Variants in FER1L6 observed in about 807,000 individuals in gnomAD.
The protein encoded by FER1L6 is fer-1-like protein 6.
FER1L6 carries 177 observed loss-of-function variants against 219.2 expected under a neutral mutation model. That is an observed-to-expected ratio of 0.81 (90% CI 0.71 to 0.91). The LOEUF is 0.91. Ranked by LOEUF, FER1L6 falls within the 40% of genes least tolerant of loss-of-function variation. The pLI is 0.00. For missense variants in FER1L6, 2,153 were observed against 2,259.9 expected (o/e 0.95, Z 0.96); for synonymous variants, 768 against 824.3 (o/e 0.93, Z 1.17).
chr8:123,865,410 T>C (rs1317826695), intron 1 of FER1L6, among the ~76,000 whole-genome samples: 1 of 150,694 alleles, frequency 6.6e-6, no homozygotes, highest in Non-Finnish European at 1.5e-5. Context: ...CATTTAAGTC[T>C]GCAGAGGTTA....
chr8:123,901,217 C>T (rs1812849942), intron 1 of FER1L6, among the ~76,000 whole-genome samples: 1 of 152,158 alleles, frequency 6.6e-6, no homozygotes, highest in South Asian at 2.1e-4. Flanking sequence ...TCTAATTCTT[C>T]CTGATTTAAG....
chr8:124,032,388 G>A (rs572402575), intron 18 of FER1L6, among the ~76,000 whole-genome samples: 1 of 152,108 alleles, frequency 6.6e-6, no homozygotes, highest in South Asian at 2.1e-4. Context: ...TTGCACCACT[G>A]CACTCTAGCT....
chr8:124,019,999 C>T (rs1818385020), intron 16 of FER1L6, among the ~76,000 whole-genome samples: 1 of 152,114 alleles, frequency 6.6e-6, no homozygotes, highest in Non-Finnish European at 1.5e-5. Flanking sequence ...TGTCCCCACC[C>T]AAATCTCATC....
chr8:123,989,997 G>A (rs1007859394), intron 12 of FER1L6, among the ~76,000 whole-genome samples: 4 of 152,164 alleles, frequency 2.6e-5, no homozygotes, highest in East Asian at 1.9e-4. Flanking sequence ...GGCTGGGCGC[G>A]GTGGCTCATG....
chr8:123,862,470 G>T (rs530852746), intron 1 of FER1L6, among the ~76,000 whole-genome samples: 12 of 136,198 alleles, frequency 8.8e-5, no homozygotes, highest in Non-Finnish European at 1.6e-4. Context: ...CCTGGCTTTG[G>T]TATCAGAATG....
chr8:124,001,352 C>T (rs185040492), intron 12 of FER1L6, among the ~76,000 whole-genome samples: 99 of 152,310 alleles, frequency 6.5e-4, no homozygotes, highest in African/African-American at 2.3e-3. Context: ...ATCCCTTTAG[C>T]CATACTCTTC....
chr8:124,047,411 T>C (rs139805157), intron 21 of FER1L6: 12 of 152,354 alleles, frequency 7.9e-5, no homozygotes, highest in African/African-American at 2.9e-4. Flanking sequence ...GTGACTGGTA[T>C]ACAAGTGCCC....
At chr8:123,963,535 A>C in intron 3 of FER1L6, 137 bp downstream of exon 3, 1 of 893,688 alleles carries the variant, frequency 1.1e-6, no homozygotes, top group Non-Finnish European at 1.7e-6. Context: ...TAAGGCAGGA[A>C]GACTGTGTCA....
At chr8:123,907,083 G>A (rs1334159053) in intron 1 of FER1L6, among the ~76,000 whole-genome samples, 1 of 152,148 alleles carries the variant, frequency 6.6e-6, no homozygotes, top group Non-Finnish European at 1.5e-5. Flanking sequence ...ATGTGTAAAT[G>A]AATGGTTGTG....
chr8:124,044,577 G>C (rs1819642260), intron 20 of FER1L6, among the ~76,000 whole-genome samples: 1 of 152,202 alleles, frequency 6.6e-6, no homozygotes, highest in Non-Finnish European at 1.5e-5. Context: ...CTCCTAGATT[G>C]AACAGTGACA....
intron 1 of FER1L6, among the ~76,000 whole-genome samples, chr8:123,930,896 G>T (rs914395816): frequency 1.3e-5 from 2 of 152,160 alleles, no homozygotes; most frequent in Admixed American, 6.5e-5. Context: ...TTGTGAGGAG[G>T]CATGGGTTGA....
chr8:124,103,530 T>C (rs139784496), intron 39 of FER1L6, among the ~76,000 whole-genome samples: 113 of 152,324 alleles, frequency 7.4e-4, no homozygotes, highest in Middle Eastern at 6.8e-3. Context: ...CCTGAACTTA[T>C]GCGCCTGGCA....
At chr8:123,999,626 A>G (rs998409218) in intron 12 of FER1L6, among the ~76,000 whole-genome samples, 2 of 152,134 alleles carry the variant, frequency 1.3e-5, no homozygotes, top group Non-Finnish European at 2.9e-5. Context: ...TCAAGCCACT[A>G]CACTCTAGCC....
At chr8:124,001,330 A>T (rs1209694180) in intron 12 of FER1L6, among the ~76,000 whole-genome samples, 2 of 152,184 alleles carry the variant, frequency 1.3e-5, no homozygotes, top group Non-Finnish European at 2.9e-5. Flanking sequence ...TCCATCTCAG[A>T]CTACAAGTTT....
rs1816571832 is a variant in FER1L6, at chr8:123,853,760, CCCAACAGTGT to C, written c.-8+1577_-8+1586del. Among the ~76,000 whole-genome samples, 2 of 152,180 alleles carry C rather than the reference CCCAACAGTGT, an allele frequency of 1.3e-5. No individual in the cohort carries two copies. Among genetic ancestry groups the C allele is most frequent in the Non-Finnish European group, 2.9e-5 (2 of 68,034 alleles). On this transcript the variant is annotated intron_variant, in intron 1 of 40. Transcript: ENST00000522917. This position sits in a 1 kb window ranked among gnomAD's most constrained non-coding sequence, Gnocchi z 6.6. The stretch of plus-strand genomic sequence containing the variant: ...GAAAAGGCCAGAAAGCTGCAGACAA[CCCAACAGTGT>C]CAAGCACAGAGGCTGGTTTTCACTG...
Position 124,070,480 on chromosome 8 carries a change from A to G in FER1L6, c.3848A>G (p.Asp1283Gly). The change falls in exon 30 of 41, where the codon GAT (aspartate) becomes GGT (glycine). Residue 1283 changes from aspartate to glycine, a missense_variant. Asp to Gly is a moderately conservative substitution (Grantham distance 94, BLOSUM62 -1). Transcript: ENST00000522917. Reference sequence around the variant, plus strand: ...TTTTCCCTAAAGATATATGACGGTGATCTCGAGAGTGAATTCAACAATTTT... The same window carrying G: ...TTTTCCCTAAAGATATATGACGGTGGTCTCGAGAGTGAATTCAACAATTTT... ...NLAILQIYDG[D>G]LESEFNNFED... The G allele has an allele frequency of 6.2e-7, 1 of 1,613,734 alleles. No homozygotes were observed. The highest frequency in any genetic ancestry group is 8.5e-7 in the Non-Finnish European group (1 of 1,179,774).
chr8:123,952,535 A>G (rs1189197412), intron 1 of FER1L6, among the ~76,000 whole-genome samples: 1 of 152,094 alleles, frequency 6.6e-6, no homozygotes, highest in Non-Finnish European at 1.5e-5. Context: ...GGATATTATG[A>G]TCCTAAACCA....
Position 124,070,564 on chromosome 8 carries a change from G to A in FER1L6, c.3932G>A (p.Gly1311Asp), listed in dbSNP as rs200948208. The A allele has an allele frequency of 1.2e-5, 20 of 1,602,412 alleles. No homozygotes were observed. The highest frequency in any genetic ancestry group is 1.6e-5 in the Non-Finnish European group (19 of 1,176,732). Residue 1311 changes from glycine (G) to aspartate (D), a missense_variant, in exon 30 of 41, where the codon GGT becomes GAT. Coordinates refer to ENST00000522917, the MANE Select transcript of FER1L6 (RefSeq NM_001039112.2). ...FRGKSTEDDH[G>D]LDGDRVIGKF... is the part of the protein sequence containing the mutation. ...GGCAAGTCTACGGAAGATGACCATG[G>A]TCTTGATGGAGACCGAGTCATAGGA...
chr8:123,925,820 C>G (rs1813543929), intron 1 of FER1L6: 1 of 152,156 alleles, frequency 6.6e-6, no homozygotes, highest in African/African-American at 2.4e-5. Flanking sequence ...TTACAAACAT[C>G]AGCTCCATGT....
Sources: gnomAD v4.1 joint callset for allele counts (sites outside exome capture counted in the v4.1 genomes callset) on GRCh38, gnomAD v4.1.1 for gene constraint, Gnocchi (gnomAD v3.1) non-coding constraint, MANE v1.5 for transcripts, NCBI Gene and HGNC (gene_info 2026-07-23, HGNC 2026-07-21) for gene names.